Variants in PIK3C2G observed in about 807,000 individuals in gnomAD.
PIK3C2G encodes the protein phosphatidylinositol 3-kinase C2 domain-containing subunit gamma.
Under a neutral mutation model 181.1 loss-of-function variants are expected in PIK3C2G, and 168 were observed. The observed-to-expected ratio is 0.93, with a 90% CI of 0.82 to 1.05. The LOEUF (loss-of-function observed/expected upper bound fraction) is 1.05, where lower values mean the gene tolerates loss of function less well. PIK3C2G is among the 50% of genes least tolerant of loss of function. The pLI, the probability that PIK3C2G is intolerant of heterozygous loss-of-function variation, is 0.00. For synonymous variants in PIK3C2G, 573 were observed against 592.2 expected (o/e 0.97, Z 0.47); for missense variants, 1,869 against 1,732.8 (o/e 1.08, Z -1.40).
At chr12:18,652,379 G>A (rs1238782181), downstream of PIK3C2G, among the ~76,000 whole-genome samples, 2 of 152,068 alleles carry the variant, frequency 1.3e-5, no homozygotes, top group African/African-American at 4.8e-5. Context: ...TACAAGTCAA[G>A]GAATGCTAAA....
At chr12:18,348,331 T>G (rs566776052) in intron 11 of PIK3C2G, among the ~76,000 whole-genome samples, 1 of 147,634 alleles carries the variant, frequency 6.8e-6, no homozygotes, top group African/African-American at 2.5e-5. Context: ...CATTTACGCG[T>G]GTGTGTGTGT....
chr12:18,701,496 C>T, the PIK3C2G span: 2 of 1,613,974 alleles, frequency 1.2e-6, no homozygotes, highest in Middle Eastern at 1.6e-4. Context: ...AAAACACCAC[C>T]TCACCTTCTT....
At chr12:18,618,146 G>A (rs1431582583) in intron 31 of PIK3C2G, among the ~76,000 whole-genome samples, 3 of 151,692 alleles carry the variant, frequency 2.0e-5, no homozygotes, top group Non-Finnish European at 4.4e-5. Flanking sequence ...GTAGAGCTGT[G>A]CCCTGAGGGT....
At chr12:18,350,189 T>C (rs985965829) in intron 11 of PIK3C2G, among the ~76,000 whole-genome samples, 1 of 152,072 alleles carries the variant, frequency 6.6e-6, no homozygotes, top group Non-Finnish European at 1.5e-5. Context: ...AGTGGCAGTG[T>C]AAGAGTGGTT....
chr12:18,285,217 A>G (rs2137146984), intron 2 of PIK3C2G: 1 of 152,282 alleles, frequency 6.6e-6, no homozygotes, highest in African/African-American at 2.4e-5. Context: ...ATAGAATGAC[A>G]TTTTTAAATT....
chr12:18,705,096 G>A, the PIK3C2G span: 2 of 1,566,306 alleles, frequency 1.3e-6, no homozygotes, highest in Non-Finnish European at 1.8e-6. Context: ...CAGTTTCACA[G>A]GCCAATATAA....
chr12:18,537,709 A>G (rs1411060040), intron 24 of PIK3C2G, among the ~76,000 whole-genome samples: 1 of 151,952 alleles, frequency 6.6e-6, no homozygotes, highest in Non-Finnish European at 1.5e-5. Flanking sequence ...CTTAGCTTTT[A>G]CCAGAAACTT....
Position 18,338,442 on chromosome 12 carries a change from T to G in PIK3C2G, c.1289T>G (p.Ile430Ser). The G allele has an allele frequency of 6.4e-7, 1 of 1,568,586 alleles. No individual in the cohort carries two copies. Among genetic ancestry groups the G allele is most frequent in the Non-Finnish European group, 8.8e-7 (1 of 1,141,792 alleles). ...LLKTQENVYN[I>S]IEEVKKICSV... is the part of the protein sequence containing the mutation. Reference sequence around the variant, plus strand: ...TATCTACAGGAAAACGTGTATAATATTATTGAAGAAGTTAAAAAAATATGC... The same window carrying G: ...TATCTACAGGAAAACGTGTATAATAGTATTGAAGAAGTTAAAAAAATATGC... Residue 430 changes from isoleucine (I) to serine (S), a missense_variant, in exon 9 of 33, where the codon ATT (isoleucine) becomes AGT (serine). Coordinates refer to ENST00000538779, the MANE Select transcript of PIK3C2G (RefSeq NM_001288772.2).
chr12:18,293,928 C>A lies in PIK3C2G; in HGVS notation c.947C>A (p.Ala316Glu). Reference protein sequence around the residue: ...CANYLVKDLIAEILHFCTNDQ... With the variant: ...CANYLVKDLIEEILHFCTNDQ... ...AATTATCTTGTCAAAGATCTAATTG[C>A]AGAAATTCTGCATTTTTGCACAAAT... The change falls in exon 5 of 33, where the codon GCA becomes GAA. Residue 316 changes from alanine to glutamate, a missense_variant. Coordinates refer to ENST00000538779, the MANE Select transcript of PIK3C2G (RefSeq NM_001288772.2). 1 of 1,572,420 alleles carries A rather than the reference C, an allele frequency of 6.4e-7. No homozygotes were observed. The highest frequency in any genetic ancestry group is 8.8e-7 in the Non-Finnish European group (1 of 1,142,312).
At chr12:18,545,561 T>G (rs949569678) in intron 25 of PIK3C2G, among the ~76,000 whole-genome samples, 1 of 151,640 alleles carries the variant, frequency 6.6e-6, no homozygotes, top group Non-Finnish European at 1.5e-5. Context: ...TTATTTTCTT[T>G]AAAAAAAAGT....
chr12:18,367,732 A>G (rs927238209), intron 12 of PIK3C2G, among the ~76,000 whole-genome samples: 1 of 151,438 alleles, frequency 6.6e-6, no homozygotes, highest in African/African-American at 2.4e-5. Context: ...CTAATTATGT[A>G]TTTTTAGTAC....
rs139145291 is a variant in PIK3C2G, at chr12:18,615,903, T to A, written c.4182+6274T>A. On this transcript the variant is annotated intron_variant, in intron 31 of 32. Transcript: ENST00000538779. ...CTTGAAATTTCTTAGCTTAATACCT[T>A]ATAGTACTATACAATCTAGCTATAA... 3.3e-3 allele frequency among the ~76,000 whole-genome samples: 495 copies of A among 152,204 alleles called. 2 individuals carry two copies. The highest frequency in any genetic ancestry group is 0.011 in the African/African-American group (477 of 41,556).
chr12:18,470,269 G>C (rs1938332874), intron 18 of PIK3C2G, among the ~76,000 whole-genome samples: 1 of 152,122 alleles, frequency 6.6e-6, no homozygotes, highest in Admixed American at 6.6e-5. Context: ...AGGCCAACCA[G>C]AATATTTTTC....
At chr12:18,540,138 T>C (rs1944073873) in intron 25 of PIK3C2G, among the ~76,000 whole-genome samples, 1 of 151,780 alleles carries the variant, frequency 6.6e-6, no homozygotes, top group Admixed American at 6.6e-5. Flanking sequence ...AGCTCTTGAG[T>C]GTTTACCACA....
At chr12:18,284,361 T>C (rs1949352480) in intron 2 of PIK3C2G, among the ~76,000 whole-genome samples, 1 of 151,756 alleles carries the variant, frequency 6.6e-6, no homozygotes, top group Admixed American at 6.6e-5. Flanking sequence ...ACAACAAAAA[T>C]TCAGAATCAT....
At chr12:18,704,403 G>C in the PIK3C2G span, among the ~76,000 whole-genome samples, 4 of 152,098 alleles carry the variant, frequency 2.6e-5, no homozygotes, top group Non-Finnish European at 4.4e-5. Context: ...TTGGCTCACT[G>C]TAACCCCCGC....
chr12:18,705,461 T>C, the PIK3C2G span: 1 of 996,160 alleles, frequency 1.0e-6, no homozygotes, highest in Non-Finnish European at 1.5e-6. Flanking sequence ...TGAAAGTACT[T>C]TTGAGTTTGG....
Position 18,454,346 on chromosome 12 carries a change from A to T in PIK3C2G, c.2504+30307A>T, listed in dbSNP as rs1447405. On this transcript the variant is annotated intron_variant, in intron 18 of 32. Coordinates refer to ENST00000538779, the MANE Select transcript of PIK3C2G (RefSeq NM_001288772.2). The stretch of plus-strand genomic sequence containing the variant: ...TTTTAGATAAATCACCTGGGGAGGA[A>T]CTATTTGAAAAGCACTGGAGTAAAG... 9.1e-3 allele frequency among the ~76,000 whole-genome samples: 1,392 copies of T among 152,290 alleles called. 22 individuals carry two copies. The highest frequency in any genetic ancestry group is 0.032 in the African/African-American group (1,348 of 41,578).
At chr12:18,455,434 CTCTTTTGGTGTTTAAA>C in intron 18 of PIK3C2G, among the ~76,000 whole-genome samples, 1 of 152,164 alleles carries the variant, frequency 6.6e-6, no homozygotes, top group South Asian at 2.1e-4. Context: ...TTGATAAAGC[CTCTTTTGGTGTTTAAA>C]ATTTTATTTT....
Sources: allele counts gnomAD v4.1 joint callset (sites outside exome capture counted in the v4.1 genomes callset), GRCh38; gene constraint gnomAD v4.1.1; transcripts MANE v1.5; gene names NCBI Gene and HGNC (gene_info 2026-07-23, HGNC 2026-07-21).